Variants in TBC1D9B observed in about 807,000 individuals in gnomAD.
TBC1D9B encodes TBC1 domain family member 9B.
In TBC1D9B, 87 loss-of-function variants were observed where a neutral mutation model predicts 121.1. The ratio of observed to expected loss-of-function variants is 0.72; its 90% CI spans 0.60 to 0.86. TBC1D9B has a LOEUF of 0.86. Ranked by LOEUF, TBC1D9B falls within the 40% of genes least tolerant of loss-of-function variation. TBC1D9B has a pLI of 0.00. For missense variants in TBC1D9B, 1,540 were observed against 1,628.6 expected, an observed-to-expected ratio of 0.95 and a Z score of 0.94; for synonymous variants, 668 against 670.1, an observed-to-expected ratio of 1.00 and a Z score of 0.05.
chr5:179,876,099 C>T lies in TBC1D9B; in HGVS notation c.1783-62G>A. The T allele has an allele frequency of 3.8e-6, 5 of 1,330,782 alleles. No individual in the cohort carries two copies. In the South Asian group the frequency reaches 6.6e-5, roughly 18 times the overall value. The allele number at this position is 1,330,782 out of a possible 1,614,324, so 82.4% of individuals were successfully genotyped here. On this transcript the variant is annotated intron_variant, in intron 10 of 20. Coordinates refer to ENST00000355235, the MANE Select transcript of TBC1D9B (RefSeq NM_015043.4). ...TGCTGGCCAGCAAATAAAACTGTCT[C>T]TCCCCACCCCTCCCAGCCACCCCTC...
chr5:179,882,867 T>C (rs1335196586), intron 7 of TBC1D9B, among the ~76,000 whole-genome samples: 3 of 152,180 alleles, frequency 2.0e-5, no homozygotes, highest in Admixed American at 1.3e-4. Flanking sequence ...TAAAATGTTG[T>C]TACTGTATCA....
In TBC1D9B at chr5:179,904,753, G is replaced by C. The variant is rs1037221492; in HGVS notation, c.178C>G (p.Arg60Gly). 1 of 1,580,740 alleles carries C rather than the reference G, an allele frequency of 6.3e-7. No homozygotes were observed. The highest frequency in any genetic ancestry group is 8.6e-7 in the Non-Finnish European group (1 of 1,163,776). Residue 60 changes from arginine to glycine, a missense_variant, in exon 2 of 21, where the codon CGC becomes GGC. Transcript: ENST00000355235. The surrounding 1 kb of genome is among the most constrained non-coding windows in gnomAD (Gnocchi z 4.2). ...LDSSARVAPY[R>G]ILHQTQDSQV... ...GAGTCCTGGGTCTGGTGCAGGATGC[G>C]GTAAGGGGCCACGCGGGCACTGGAG...
At position 179,907,856 on chromosome 5, in the gene TBC1D9B, GACGGAAGC is replaced by G. The variant is rs749347190; in HGVS notation, c.-43_-36del. On this transcript the variant is annotated 5_prime_UTR_variant, in exon 1 of 21. Coordinates refer to ENST00000355235, the MANE Select transcript of TBC1D9B (RefSeq NM_015043.4). The surrounding 1 kb of genome is among the most constrained non-coding windows in gnomAD (Gnocchi z 5.3). The stretch of plus-strand genomic sequence containing the variant: ...GCTCGCACCGGGCCGAGGCCCGCGA[GACGGAAGC>G]GCCCGCCGCCGTCGGCGTCCCGGAG... 26 of 1,044,470 alleles carry G rather than the reference GACGGAAGC, an allele frequency of 2.5e-5. No individual in the cohort carries two copies. In the South Asian group the frequency reaches 5.9e-4, roughly 24 times the overall value. The allele number at this position is 1,044,470 out of a possible 1,614,324, so 64.7% of individuals were successfully genotyped here. A position where few individuals can be genotyped will look rare whatever the true frequency, so the allele number is the denominator to read the frequency against.
At position 179,907,741 on chromosome 5, in the gene TBC1D9B, C is replaced by T; in HGVS notation, c.81G>A (p.Gln27=). ...CGCCCCTGCCGTGGCCCCGGCGTCG[C>T]TGCAGCACGAAGAAGGGGTTGGCCC... ...TERANPFFVL[Q]RRRGHGRGGG... Residue 27 remains glutamine (Q), a synonymous_variant, in exon 1 of 21, where the codon CAG becomes CAA. Coordinates refer to ENST00000355235, the MANE Select transcript of TBC1D9B (RefSeq NM_015043.4). The surrounding 1 kb of genome is among the most constrained non-coding windows in gnomAD (Gnocchi z 5.3). 1 of 1,201,146 alleles carries T rather than the reference C, an allele frequency of 8.3e-7. No homozygotes were observed. Among genetic ancestry groups the T allele is most frequent in the Non-Finnish European group, 1.1e-6 (1 of 941,472 alleles). The allele number at this position is 1,201,146 out of a possible 1,614,324, so 74.4% of individuals were successfully genotyped here.
At position 179,875,150 on chromosome 5, in the gene TBC1D9B, C is replaced by T. The variant is rs373469445; in HGVS notation, c.1938G>A (p.Thr646=). ...CCGAGAGCTGCGGCAGGAAGTCTCT[C>T]GTGAGCTCTTCGAAGATGCCTTGGT... ...LVDQGIFEEL[T]RDFLPQLSEK... Residue 646 remains threonine (T), a synonymous_variant, in exon 12 of 21, where the codon ACG becomes ACA. Coordinates refer to ENST00000355235, the MANE Select transcript of TBC1D9B (RefSeq NM_015043.4). This position sits in a 1 kb window ranked among gnomAD's most constrained non-coding sequence, Gnocchi z 4.5. The T allele has an allele frequency of 4.1e-5, 66 of 1,613,650 alleles. No homozygotes were observed. The highest frequency in any genetic ancestry group is 2.1e-4 in the African/African-American group (16 of 74,932).
rs1343260869 is a variant in TBC1D9B at position 179,870,476 on chromosome 5, T to C, written c.2504A>G (p.Gln835Arg). The change falls in exon 16 of 21, where the codon CAG (glutamine) becomes CGG (arginine). Residue 835 changes from glutamine (Q) to arginine (R), a missense_variant. Transcript: ENST00000355235. ...CATTGTGCGGCTGCACCCCCAGTAC[T>C]GGCTAGCCAGGTGCTTGGCCTGTGG... is the stretch of plus-strand genomic sequence containing the variant. ...MVFKAKHLAS[Q>R]YWGCSRTMAG... 6.2e-6 allele frequency: 10 copies of C among 1,610,552 alleles called. No homozygotes were observed. The highest frequency in any genetic ancestry group is 8.5e-6 in the Non-Finnish European group (10 of 1,179,720).
intron 18 of TBC1D9B, chr5:179,867,451 C>A: frequency 6.4e-7 from 1 of 1,556,148 alleles, no homozygotes; most frequent in Non-Finnish European, 8.7e-7. Flanking sequence ...TGACCTTGAG[C>A]CTCCCAGGGC....
intron 14 of TBC1D9B, 42 bp downstream of exon 14, chr5:179,872,850 C>CCCCCCACCCCA: frequency 6.8e-7 from 1 of 1,468,896 alleles, no homozygotes; most frequent in Non-Finnish European, 9.4e-7. Flanking sequence ...GCACTGCTGC[C>CCCCCCACCCCA]CCCCCAGCCC....
rs774127324 is a variant in TBC1D9B, at chr5:179,863,849, C to G, written c.3301G>C (p.Gly1101Arg). 4.6e-5 allele frequency: 74 copies of G among 1,613,200 alleles called. 2 individuals carry two copies. The South Asian group carries it at 7.9e-4, about 17-fold the overall frequency. The change falls in exon 21 of 21, where the codon GGA becomes CGA. Residue 1101 changes from glycine (G) to arginine (R), a missense_variant. Physicochemically the swap from Gly to Arg is moderately radical, Grantham distance 125. Transcript: ENST00000355235. This position sits in a 1 kb window ranked among gnomAD's most constrained non-coding sequence, Gnocchi z 4.5. ...QAKAGGDTHL[G>R]KAPQESQVVV... Reference sequence around the variant, plus strand: ...ACCTGGCTCTCCTGTGGGGCTTTTCCGAGGTGTGTGTCTCCGCCTGCTTTG... The same window carrying G: ...ACCTGGCTCTCCTGTGGGGCTTTTCGGAGGTGTGTGTCTCCGCCTGCTTTG...
chr5:179,894,866 CT>C (rs1760978276), intron 3 of TBC1D9B, among the ~76,000 whole-genome samples: 1 of 152,150 alleles, frequency 6.6e-6, no homozygotes, highest in East Asian at 1.9e-4. Context: ...TGAGCAGAGG[CT>C]TTTTAAAAAA....
chr5:179,870,644 C>T (rs946624321), intron 15 of TBC1D9B, 149 bp from the exon 16 acceptor site: 14 of 1,219,020 alleles, frequency 1.1e-5, no homozygotes, highest in African/African-American at 4.6e-5. Flanking sequence ...CAGCACCTCC[C>T]GAAAGCTCTC....
At chr5:179,883,922 A>T (rs74592885) in intron 7 of TBC1D9B, among the ~76,000 whole-genome samples, 1,652 of 152,192 alleles carry the variant, frequency 0.011, 32 homozygotes, top group African/African-American at 0.038. Flanking sequence ...CGGTCTGTGT[A>T]GTCCTTGCTC....
Position 179,865,845 on chromosome 5 carries a change from C to T in TBC1D9B, c.2907G>A (p.Glu969=). Residue 969 remains glutamate, a synonymous_variant, in exon 19 of 21, where the codon GAG becomes GAA. Coordinates refer to ENST00000355235, the MANE Select transcript of TBC1D9B (RefSeq NM_015043.4). This position sits in a 1 kb window ranked among gnomAD's most constrained non-coding sequence, Gnocchi z 5.1. ...GCAGAGAATGGCCTGTACCTCCTCT[C>T]TCCTCACTTCCACTTCCTTCTTGCT... The part of the protein sequence containing the change: ...QEEQEGSGSE[E]RGEEKGTSSP... 1.2e-6 allele frequency: 2 copies of T among 1,609,064 alleles called. No individual in the cohort carries two copies. The highest frequency in any genetic ancestry group is 1.7e-6 in the Non-Finnish European group (2 of 1,177,348).
chr5:179,865,017 T>C lies in TBC1D9B; in HGVS notation c.3021+237A>G, dbSNP rs960807495. Reference sequence around the variant, plus strand: ...AGGTAGCCTACAAGCCTCTGGCTCCTGGTTCACAGACACTCACTCAATCTG... The same window carrying C: ...AGGTAGCCTACAAGCCTCTGGCTCCCGGTTCACAGACACTCACTCAATCTG... On this transcript the variant is annotated intron_variant, in intron 20 of 20. Transcript: ENST00000355235. The surrounding 1 kb of genome is among the most constrained non-coding windows in gnomAD (Gnocchi z 5.1). Among the ~76,000 whole-genome samples the C allele has an allele frequency of 6.6e-6, 1 of 152,210 alleles. No individual in the cohort carries two copies. Among genetic ancestry groups the C allele is most frequent in the Admixed American group, 6.5e-5 (1 of 15,290 alleles).
At position 179,896,075 on chromosome 5, in the gene TBC1D9B, C is replaced by T. The variant is rs1761008897; in HGVS notation, c.349-1461G>A. On this transcript the variant is annotated intron_variant, in intron 3 of 20. Coordinates refer to ENST00000355235, the MANE Select transcript of TBC1D9B (RefSeq NM_015043.4). ...ACCTTACTCCATCGGTTTCATCCCACGTATTTATCTTCTCACAGTTTCCTG... is the reference window on the plus strand; with the variant it reads ...ACCTTACTCCATCGGTTTCATCCCATGTATTTATCTTCTCACAGTTTCCTG... 2.4e-5 allele frequency among the ~76,000 whole-genome samples: 3 copies of T among 124,350 alleles called. No homozygotes were observed. The Admixed American group carries it at 3.0e-4, about 12-fold the overall frequency. The allele number at this position is 124,350 out of a possible 152,430, so 81.6% of individuals were successfully genotyped here. A position where few individuals can be genotyped will look rare whatever the true frequency, so the allele number is the denominator to read the frequency against.
rs934663215 is a variant in TBC1D9B at position 179,896,701 on chromosome 5, T to C, written c.349-2087A>G. Among the ~76,000 whole-genome samples, 5 of 151,950 alleles carry C rather than the reference T, an allele frequency of 3.3e-5. 1 individual carries two copies. In the South Asian group the frequency reaches 1.0e-3, roughly 31 times the overall value. ...CCATGCCCAGCTAATTTTTTATATT[T>C]TTAGTAGAGACAAGGTTTTGCCATG... On this transcript the variant is annotated intron_variant, in intron 3 of 20. Transcript: ENST00000355235.
chr5:179,869,443 G>A (rs1321971186), intron 17 of TBC1D9B: 1 of 497,376 alleles, frequency 2.0e-6, no homozygotes, highest in East Asian at 4.7e-5. Flanking sequence ...GATAAATGCA[G>A]CAGTTTCGGT....
chr5:179,900,120 T>C (rs1201794739), intron 2 of TBC1D9B, among the ~76,000 whole-genome samples: 1 of 152,014 alleles, frequency 6.6e-6, no homozygotes, highest in South Asian at 2.1e-4. Flanking sequence ...CTCAGGATGC[T>C]GAGGTGGGAG....
intron 12 of TBC1D9B, among the ~76,000 whole-genome samples, 191 bp from the exon 13 acceptor site, chr5:179,873,439 C>T (rs1582080195): frequency 6.6e-6 from 1 of 152,344 alleles, no homozygotes; most frequent in Admixed American, 6.5e-5. Context: ...GAGCCCTCTA[C>T]AGGGCAGTGC....
Sources: gnomAD v4.1 joint callset for allele counts (sites outside exome capture counted in the v4.1 genomes callset) on GRCh38, gnomAD v4.1.1 for gene constraint, Gnocchi (gnomAD v3.1) non-coding constraint, MANE v1.5 for transcripts, NCBI Gene and HGNC (gene_info 2026-07-23, HGNC 2026-07-21) for gene names.